Variants in CEP135 observed in about 807,000 individuals in gnomAD.
CEP135 encodes the protein centrosomal protein of 135 kDa.
In CEP135, 142 loss-of-function variants were observed where a neutral mutation model predicts 157.3. The observed-to-expected ratio is 0.90, with a 90% confidence interval of 0.79 to 1.04. The LOEUF (loss-of-function observed/expected upper bound fraction) is 1.04, where lower values mean the gene tolerates loss of function less well. CEP135 is among the 50% of genes least tolerant of loss of function. CEP135 has a pLI of 0.00. For synonymous variants in CEP135, 396 were observed against 439.8 expected, an observed-to-expected ratio of 0.90 and a Z score of 1.25; for missense variants, 1,317 against 1,309.2, an observed-to-expected ratio of 1.01 and a Z score of -0.09.
At chr4:55,999,849 G>A (rs763683499) in intron 17 of CEP135, among the ~76,000 whole-genome samples, 1 of 152,000 alleles carries the variant, frequency 6.6e-6, no homozygotes, top group South Asian at 2.1e-4. Context: ...ACTCCTAGCC[G>A]GAAAAGTTTA....
chr4:55,953,060 GTA>G lies in CEP135; in HGVS notation c.114-23_114-22del, dbSNP rs763782783. ...TAGAAAGTTAATGAAATATTTCCTG[GTA>G]TTTAAATTTTCTGTTCTTTTAGCGA... On this transcript the variant is annotated intron_variant, in intron 2 of 25. Coordinates refer to ENST00000257287, the MANE Select transcript of CEP135 (RefSeq NM_025009.5). The G allele has an allele frequency of 3.3e-6, 5 of 1,504,716 alleles. No individual in the cohort carries two copies. In the South Asian group the frequency reaches 6.6e-5, roughly 20 times the overall value. The allele number at this position is 1,504,716 out of a possible 1,614,324, so 93.2% of individuals were successfully genotyped here. A position where few individuals can be genotyped will look rare whatever the true frequency, so the allele number is the denominator to read the frequency against.
intron 23 of CEP135, among the ~76,000 whole-genome samples, chr4:56,020,007 T>C (rs902969965): frequency 6.6e-6 from 1 of 152,108 alleles, no homozygotes; most frequent in African/African-American, 2.4e-5. Flanking sequence ...GGGAGAAACA[T>C]CGTGTTGGGA....
intron 6 of CEP135, among the ~76,000 whole-genome samples, chr4:55,963,949 A>G (rs751402824): frequency 3.9e-5 from 6 of 152,216 alleles, no homozygotes; most frequent in Non-Finnish European, 8.8e-5. Flanking sequence ...GTACTTGAGC[A>G]TGTATGTAAT....
chr4:55,959,576 T>C (rs1248876162), intron 5 of CEP135, 106 bp from the exon 6 acceptor site: 3 of 931,068 alleles, frequency 3.2e-6, no homozygotes, highest in Non-Finnish European at 5.1e-6. Context: ...CCTACCTGTT[T>C]GAGAAGCTGA....
intron 21 of CEP135, among the ~76,000 whole-genome samples, chr4:56,014,479 A>T (rs1023303633): frequency 8.5e-5 from 13 of 152,362 alleles, no homozygotes; most frequent in African/African-American, 3.1e-4. Context: ...TGCCAGAAAT[A>T]TGAATGTTTC....
At chr4:56,020,080 G>A (rs571307143) in intron 23 of CEP135, among the ~76,000 whole-genome samples, 2 of 152,276 alleles carry the variant, frequency 1.3e-5, no homozygotes, top group South Asian at 4.1e-4. Context: ...AAGAGAAAAC[G>A]TTAGGAAAGC....
chr4:56,005,124 A>G (rs1436932312), intron 17 of CEP135, among the ~76,000 whole-genome samples: 2 of 152,120 alleles, frequency 1.3e-5, no homozygotes, highest in Non-Finnish European at 2.9e-5. Context: ...AGAACTGACA[A>G]CTTACCTTAG....
At chr4:55,952,287 A>G (rs1728381320) in intron 2 of CEP135, 44 bp downstream of exon 2, 1 of 1,095,422 alleles carries the variant, frequency 9.1e-7, no homozygotes, top group Non-Finnish European at 1.4e-6. Flanking sequence ...ATCCCTAACC[A>G]CTTACCTCAT....
chr4:55,961,047 A>G (rs1035003588), intron 6 of CEP135: 5 of 149,936 alleles, frequency 3.3e-5, no homozygotes, highest in Admixed American at 1.3e-4. Flanking sequence ...CGGAGGTTAC[A>G]GTGACCCGAG....
intron 8 of CEP135, among the ~76,000 whole-genome samples, chr4:55,967,100 A>G (rs1421216027): frequency 2.6e-5 from 4 of 151,934 alleles, no homozygotes; most frequent in Non-Finnish European, 5.9e-5. Context: ...AAAAAGAGTG[A>G]ATTTTTTTTT....
At chr4:55,950,301 T>C (rs954322983) in intron 1 of CEP135, among the ~76,000 whole-genome samples, 1 of 152,168 alleles carries the variant, frequency 6.6e-6, no homozygotes, top group Non-Finnish European at 1.5e-5. Flanking sequence ...AGGGATAATA[T>C]CATTGGTCTT....
At position 55,999,308 on chromosome 4, in the gene CEP135, G is replaced by A. The variant is rs890742805; in HGVS notation, c.2016G>A (p.Val672=). The change falls in exon 16 of 26, where the codon GTG becomes GTA. Residue 672 remains valine, a synonymous_variant. Coordinates refer to ENST00000257287, the MANE Select transcript of CEP135 (RefSeq NM_025009.5). Reference sequence around the variant, plus strand: ...TTGTCCATTGATTCTTTAGGATAGTGAATGAGCAGCTACAGCGGTCAGTTG... The same window carrying A: ...TTGTCCATTGATTCTTTAGGATAGTAAATGAGCAGCTACAGCGGTCAGTTG... ...QKTEVNSLRI[V]NEQLQRSVDD... The A allele has an allele frequency of 9.3e-6, 15 of 1,612,844 alleles. 1 individual carries two copies. The Admixed American group carries it at 2.3e-4, about 25-fold the overall frequency.
At chr4:56,026,964 A>G (rs1395445158) in intron 25 of CEP135, among the ~76,000 whole-genome samples, 1 of 152,226 alleles carries the variant, frequency 6.6e-6, no homozygotes, top group African/African-American at 2.4e-5. Context: ...TCTGACTCAG[A>G]ATCCTCATTG....
intron 13 of CEP135, 22 bp from the exon 14 acceptor site, chr4:55,985,259 T>C: frequency 1.4e-6 from 2 of 1,390,960 alleles, no homozygotes; most frequent in South Asian, 2.4e-5. Context: ...AAATGAACAT[T>C]TTCTTTAACA....
chr4:56,015,185 C>T (rs73817311), intron 21 of CEP135, among the ~76,000 whole-genome samples: 3,130 of 152,296 alleles, frequency 0.021, 110 homozygotes, highest in African/African-American at 0.072. Flanking sequence ...TCAATCATCT[C>T]AGCAGAATCA....
chr4:55,966,009 G>A (rs1728833739), intron 8 of CEP135, 150 bp downstream of exon 8: 2 of 638,104 alleles, frequency 3.1e-6, no homozygotes, highest in African/African-American at 3.7e-5. Context: ...AGGGTTTTCT[G>A]AAGTGTTGTT....
At chr4:55,950,134 C>A (rs1354338288) in intron 1 of CEP135, among the ~76,000 whole-genome samples, 1 of 151,974 alleles carries the variant, frequency 6.6e-6, no homozygotes, top group Non-Finnish European at 1.5e-5. Flanking sequence ...GGAAGCCATT[C>A]AAAAAAAGTT....
Position 55,965,666 on chromosome 4 carries a change from A to C in CEP135, c.851A>C (p.Asn284Thr). 1 of 1,608,880 alleles carries C rather than the reference A, an allele frequency of 6.2e-7. No individual in the cohort carries two copies. The highest frequency in any genetic ancestry group is 8.5e-7 in the Non-Finnish European group (1 of 1,178,754). Residue 284 changes from asparagine to threonine, a missense_variant, in exon 8 of 26, where the codon AAT becomes ACT. Coordinates refer to ENST00000257287, the MANE Select transcript of CEP135 (RefSeq NM_025009.5). Reference protein sequence around the residue: ...NIQVDFLQQANKDLEKRIREL... With the variant: ...NIQVDFLQQATKDLEKRIREL... ...TAGGTTGACTTTCTTCAGCAAGCTA[A>C]TAAAGACCTGGAGAAGCGTATACGA...
chr4:55,976,691 A>G (rs751137018), intron 11 of CEP135, among the ~76,000 whole-genome samples: 17 of 152,218 alleles, frequency 1.1e-4, no homozygotes, highest in Non-Finnish European at 1.9e-4. Flanking sequence ...AGGCCCAATA[A>G]TAAAGTGCAG....
Sources: allele counts gnomAD v4.1 joint callset (sites outside exome capture counted in the v4.1 genomes callset), GRCh38; gene constraint gnomAD v4.1.1; transcripts MANE v1.5; gene names NCBI Gene and HGNC (gene_info 2026-07-23, HGNC 2026-07-21).